RGS12: variants seen among roughly 807,000 people sequenced by gnomAD.
RGS12 encodes regulator of G-protein signaling 12.
A neutral mutation model predicts 120.1 loss-of-function variants in RGS12; 66 were observed. The ratio of observed to expected loss-of-function variants is 0.55; its 90% confidence interval spans 0.45 to 0.67. The LOEUF (loss-of-function observed/expected upper bound fraction) is 0.67, where lower values mean the gene tolerates loss of function less well. Ranked by LOEUF, RGS12 falls within the 30% of genes least tolerant of loss-of-function variation. RGS12 has a pLI of 0.00. For synonymous variants in RGS12, 827 were observed against 804.7 expected (o/e 1.03, Z -0.47); for missense variants, 1,859 against 1,957.7 (o/e 0.95, Z 0.95).
rs1004890090 is a variant in RGS12, at chr4:3,422,908, C to G, written c.3037C>G (p.Leu1013Val). The change falls in exon 12 of 18, where the codon CTG becomes GTG. Residue 1013 changes from leucine to valine, a missense_variant. Physicochemically the swap from Leu to Val is conservative, Grantham distance 32. Around this residue, in one of 3 missense-constraint regions of RGS12, gnomAD observed 375 missense variants for 475.0 expected, o/e 0.79. Transcript: ENST00000336727. ...TTCTGGTCTCTCTGTTCCTCAGCCT[C>G]TGGTGCTGCACCAAGACAGTAGCAT... is the stretch of plus-strand genomic sequence containing the variant. ...DLFLVGGDKPLVLHQDSSILE... is the reference protein window; with the variant it reads ...DLFLVGGDKPVVLHQDSSILE... 1 of 1,613,134 alleles carries G rather than the reference C, an allele frequency of 6.2e-7. No individual in the cohort carries two copies. The highest frequency in any genetic ancestry group is 1.3e-5 in the African/African-American group (1 of 74,954).
chr4:3,361,879 C>A (rs1345826231), intron 3 of RGS12, among the ~76,000 whole-genome samples: 2 of 152,306 alleles, frequency 1.3e-5, no homozygotes, highest in East Asian at 3.9e-4. Context: ...AGAAGACAGG[C>A]CCACGTGCAT....
intron 3 of RGS12, among the ~76,000 whole-genome samples, chr4:3,350,724 T>A (rs979588847): frequency 6.6e-6 from 1 of 152,144 alleles, no homozygotes; most frequent in Non-Finnish European, 1.5e-5. Flanking sequence ...TTTATTTAAG[T>A]CACACGAACT....
At chr4:3,422,614 C>T (rs1346354872) in intron 11 of RGS12, 44 bp downstream of exon 11, 2 of 1,567,728 alleles carry the variant, frequency 1.3e-6, no homozygotes, top group South Asian at 2.3e-5. Flanking sequence ...AGGCCATGAC[C>T]TCCCCGCTCC....
chr4:3,400,926 A>G (rs939316599), intron 4 of RGS12, among the ~76,000 whole-genome samples: 6 of 151,888 alleles, frequency 4.0e-5, no homozygotes, highest in East Asian at 1.9e-4. Flanking sequence ...TATCTCAGCA[A>G]CTGTTTTAAC....
At chr4:3,368,341 CTGTG>C (rs576154049) in intron 3 of RGS12, among the ~76,000 whole-genome samples, 11 of 149,768 alleles carry the variant, frequency 7.3e-5, no homozygotes, top group African/African-American at 2.7e-4. Flanking sequence ...GTGTGTGTGC[CTGTG>C]TGTGTGTGCA....
chr4:3,419,837 A>C (rs1342393041), intron 9 of RGS12, among the ~76,000 whole-genome samples: 2 of 152,152 alleles, frequency 1.3e-5, no homozygotes, highest in Non-Finnish European at 2.9e-5. Context: ...ACACAAAGCC[A>C]ACCAAAAAAT....
intron 4 of RGS12, among the ~76,000 whole-genome samples, chr4:3,393,841 G>T (rs1444157155): frequency 6.6e-6 from 1 of 152,140 alleles, no homozygotes; most frequent in Non-Finnish European, 1.5e-5. Context: ...CTCAGGTCAT[G>T]ACGGCACCTT....
intron 4 of RGS12, among the ~76,000 whole-genome samples, chr4:3,412,339 T>C (rs1721826042): frequency 6.6e-6 from 1 of 152,226 alleles, no homozygotes; most frequent in Non-Finnish European, 1.5e-5. Context: ...CTGCCAGGCC[T>C]CTGCCTGTCG....
At chr4:3,414,686 A>C in intron 5 of RGS12, 66 bp from the exon 6 acceptor site, 1 of 1,165,514 alleles carries the variant, frequency 8.6e-7, no homozygotes, top group Non-Finnish European at 1.3e-6. Context: ...GTTTCTGTAG[A>C]AGGGGAAGTA....
chr4:3,428,278 C>A, intron 15 of RGS12, 109 bp downstream of exon 15: 1 of 1,018,310 alleles, frequency 9.8e-7, no homozygotes, highest in Non-Finnish European at 1.6e-6. Flanking sequence ...CACTGTGTGT[C>A]TCCCCCACGC....
chr4:3,298,944 C>T (rs766958109), intron 1 of RGS12, among the ~76,000 whole-genome samples: 32 of 152,306 alleles, frequency 2.1e-4, no homozygotes, highest in Non-Finnish European at 4.1e-4. Flanking sequence ...ATTTCAACAC[C>T]TGCATTACCT....
chr4:3,367,563 A>G (rs750548549), intron 3 of RGS12, among the ~76,000 whole-genome samples: 2 of 152,276 alleles, frequency 1.3e-5, no homozygotes, highest in Non-Finnish European at 2.9e-5. Context: ...GCTGGGGCCC[A>G]GAATCTTCTG....
chr4:3,332,756 A>G (rs1253005439), intron 2 of RGS12, among the ~76,000 whole-genome samples: 1 of 152,206 alleles, frequency 6.6e-6, no homozygotes, highest in Non-Finnish European at 1.5e-5. Context: ...TGCCCCGGGC[A>G]TGACTCCTGT....
rs1048564047 is a variant in RGS12 at position 3,355,472 on chromosome 4, T to C, written c.1998+12419T>C. On this transcript the variant is annotated intron_variant, in intron 3 of 17. Transcript: ENST00000336727. The stretch of plus-strand genomic sequence containing the variant: ...TGTTACTGTTCTCGGATGATGTGAT[T>C]GTTACTGTTCTCAGATGATGTGATT... 1.2e-4 allele frequency among the ~76,000 whole-genome samples: 18 copies of C among 152,112 alleles called. No individual in the cohort carries two copies. In the South Asian group the frequency reaches 2.1e-3, roughly 17 times the overall value.
chr4:3,364,884 C>T (rs1716136053), intron 3 of RGS12, among the ~76,000 whole-genome samples: 1 of 152,040 alleles, frequency 6.6e-6, no homozygotes, highest in Non-Finnish European at 1.5e-5. Context: ...AGCTTGGCAC[C>T]TCTGCTTGGA....
rs1437366588 is a variant in RGS12 at position 3,317,205 on chromosome 4, C to A, written c.1035C>A (p.Asp345Glu). 12 of 1,614,166 alleles carry A rather than the reference C, an allele frequency of 7.4e-6. No individual in the cohort carries two copies. The East Asian group carries it at 2.2e-4, about 30-fold the overall frequency. Reference sequence around the variant, plus strand: ...GCCACGTGTTCATGGTGGACCCAGACTTGTTTAATCACAAGATCCACCAAG... The same window carrying A: ...GCCACGTGTTCATGGTGGACCCAGAATTGTTTAATCACAAGATCCACCAAG... ...TSCHVFMVDP[D>E]LFNHKIHQGI... The change falls in exon 2 of 18, where the codon GAC becomes GAA. Residue 345 changes from aspartate to glutamate, a missense_variant. Transcript: ENST00000336727.
At chr4:3,310,386 G>A (rs1348077329) in intron 1 of RGS12, among the ~76,000 whole-genome samples, 6 of 152,194 alleles carry the variant, frequency 3.9e-5, no homozygotes, top group Non-Finnish European at 8.8e-5. Flanking sequence ...TCCAGTCCAC[G>A]CTGCACCCCA....
upstream of RGS12, among the ~76,000 whole-genome samples, chr4:3,291,078 T>C (rs1207448832): frequency 1.3e-5 from 2 of 152,190 alleles, no homozygotes; most frequent in Admixed American, 1.3e-4. Context: ...GCTCGTCCTC[T>C]TCCCCTACCC....
intron 4 of RGS12, among the ~76,000 whole-genome samples, chr4:3,403,987 G>A (rs1284885420): frequency 1.3e-5 from 2 of 152,206 alleles, no homozygotes; most frequent in African/African-American, 4.8e-5. Context: ...GCTATGGGCT[G>A]TGGCAGCCCT....
Sources: allele counts gnomAD v4.1 joint callset (sites outside exome capture counted in the v4.1 genomes callset), GRCh38; gene constraint gnomAD v4.1.1; regional missense constraint gnomAD v4.1.1; transcripts MANE v1.5; gene names NCBI Gene and HGNC (gene_info 2026-07-23, HGNC 2026-07-21).